MYO5B: variants seen among roughly 807,000 people sequenced by gnomAD.
The protein encoded by MYO5B is myosin VB.
In MYO5B, 143 loss-of-function variants were observed where a neutral mutation model predicts 229.3. The observed-to-expected ratio is 0.62, with a 90% CI of 0.54 to 0.72. The LOEUF (loss-of-function observed/expected upper bound fraction) is 0.72, where lower values mean the gene tolerates loss of function less well. Ranked by LOEUF, MYO5B falls within the 30% of genes least tolerant of loss-of-function variation. MYO5B has a pLI of 0.00. For synonymous variants in MYO5B, 918 were observed against 885.2 expected (o/e 1.04, Z -0.66); for missense variants, 2,321 against 2,331.0 (o/e 1.00, Z 0.09).
chr18:49,962,449 C>T (rs752412705), intron 11 of MYO5B, 43 bp from the exon 12 acceptor site: 2 of 1,613,682 alleles, frequency 1.2e-6, no homozygotes, highest in South Asian at 2.2e-5. Flanking sequence ...TGCAGGCACA[C>T]CTTAACATTC....
intron 1 of MYO5B, among the ~76,000 whole-genome samples, chr18:50,132,362 T>A (rs2032267450): frequency 6.6e-6 from 1 of 152,206 alleles, no homozygotes; most frequent in African/African-American, 2.4e-5. Flanking sequence ...GGGTTTCAGT[T>A]TAATTATGTA....
At chr18:49,939,205 G>A (rs563457856) in intron 14 of MYO5B, among the ~76,000 whole-genome samples, 2 of 146,056 alleles carry the variant, frequency 1.4e-5, no homozygotes, top group African/African-American at 5.1e-5. Flanking sequence ...GAGTGCAGTG[G>A]CGCAATCTCA....
intron 12 of MYO5B, among the ~76,000 whole-genome samples, chr18:49,960,027 C>G (rs997245290): frequency 6.6e-6 from 1 of 152,134 alleles, no homozygotes; most frequent in East Asian, 1.9e-4. Context: ...AGTCTGCACT[C>G]TCCTCTGCAG....
Position 50,175,710 on chromosome 18 carries a change from T to A in MYO5B, c.27+19057A>T, listed in dbSNP as rs7244611. ...AGTTTTAAGGTCATAAAGGTCAAATTCTTACTCAAAGGTGAAATTCTTACT... is the reference window on the plus strand; with the variant it reads ...AGTTTTAAGGTCATAAAGGTCAAATACTTACTCAAAGGTGAAATTCTTACT... On this transcript the variant is annotated intron_variant, in intron 1 of 39. Coordinates refer to ENST00000285039, the MANE Select transcript of MYO5B (RefSeq NM_001080467.3). Among the ~76,000 whole-genome samples, 479 of 152,332 alleles carry A rather than the reference T, an allele frequency of 3.1e-3. 4 individuals carry two copies. Among genetic ancestry groups the A allele is most frequent in the African/African-American group, 0.011 (441 of 41,572 alleles).
intron 14 of MYO5B, among the ~76,000 whole-genome samples, chr18:49,950,849 T>C (rs1362781244): frequency 6.6e-6 from 1 of 152,190 alleles, no homozygotes; most frequent in African/African-American, 2.4e-5. Context: ...CAGGCCTGCA[T>C]CTGCTATCCT....
chr18:49,921,038 A>G (rs2025068725), intron 17 of MYO5B, among the ~76,000 whole-genome samples: 1 of 152,172 alleles, frequency 6.6e-6, no homozygotes, highest in African/African-American at 2.4e-5. Context: ...ATAGCAAGGG[A>G]AGTAACTGTG....
chr18:49,928,940 G>A (rs1401272213), intron 17 of MYO5B, among the ~76,000 whole-genome samples: 2 of 152,114 alleles, frequency 1.3e-5, no homozygotes, highest in Non-Finnish European at 2.9e-5. Flanking sequence ...GCATAAGAAC[G>A]ATACAATGAA....
At chr18:50,002,355 C>T (rs892877559) in intron 4 of MYO5B, among the ~76,000 whole-genome samples, 1 of 152,106 alleles carries the variant, frequency 6.6e-6, no homozygotes, top group African/African-American at 2.4e-5. Context: ...GAAGAAGATA[C>T]TCTACATCAG....
intron 22 of MYO5B, among the ~76,000 whole-genome samples, chr18:49,892,359 G>T (rs1381370490): frequency 6.6e-6 from 1 of 152,184 alleles, no homozygotes; most frequent in African/African-American, 2.4e-5. Flanking sequence ...CCCTCGGGGA[G>T]ACTTGGCCTC....
intron 1 of MYO5B, among the ~76,000 whole-genome samples, chr18:50,082,677 C>T (rs1404250317): frequency 1.3e-5 from 2 of 152,104 alleles, no homozygotes; most frequent in African/African-American, 4.8e-5. Flanking sequence ...AACTTCTGTC[C>T]CTCCTAGGAG....
At chr18:50,049,989 T>A (rs941927265) in intron 2 of MYO5B, among the ~76,000 whole-genome samples, 1 of 152,250 alleles carries the variant, frequency 6.6e-6, no homozygotes, top group Non-Finnish European at 1.5e-5. Flanking sequence ...TACCACAATT[T>A]TTTTTTACAC....
At chr18:49,846,897 A>G (rs1598828502) in intron 33 of MYO5B, among the ~76,000 whole-genome samples, 1 of 151,740 alleles carries the variant, frequency 6.6e-6, no homozygotes, top group African/African-American at 2.4e-5. Flanking sequence ...CTTCCATCGT[A>G]TGGGCAGAAC....
intron 2 of MYO5B, among the ~76,000 whole-genome samples, chr18:50,041,061 T>G (rs1203836335): frequency 6.6e-6 from 1 of 152,288 alleles, no homozygotes; most frequent in South Asian, 2.1e-4. Flanking sequence ...GGGATGTTTT[T>G]AAACATTTAA....
chr18:50,090,325 A>G (rs1298043451), intron 1 of MYO5B, among the ~76,000 whole-genome samples: 4 of 127,450 alleles, frequency 3.1e-5, no homozygotes, highest in African/African-American at 1.2e-4. Flanking sequence ...CCTAGGTTAC[A>G]GAGCAAGACC....
chr18:50,012,619 G>T (rs1456232522), intron 4 of MYO5B, among the ~76,000 whole-genome samples: 2 of 152,188 alleles, frequency 1.3e-5, no homozygotes, highest in African/African-American at 4.8e-5. Context: ...TTATCGCCCA[G>T]GCCCAATGCA....
intron 1 of MYO5B, among the ~76,000 whole-genome samples, chr18:50,117,972 C>A (rs764197646): frequency 1.3e-4 from 20 of 152,216 alleles, no homozygotes; most frequent in Non-Finnish European, 2.6e-4. Context: ...TGCTCCTGCA[C>A]TGCCAGATTT....
intron 39 of MYO5B, among the ~76,000 whole-genome samples, chr18:49,832,369 T>C (rs1167262265): frequency 3.9e-5 from 6 of 152,216 alleles, no homozygotes; most frequent in African/African-American, 1.4e-4. Context: ...CTCCTGCCCA[T>C]GCATTAACCA....
At chr18:50,104,747 G>C (rs1430729428) in intron 1 of MYO5B, among the ~76,000 whole-genome samples, 1 of 152,146 alleles carries the variant, frequency 6.6e-6, no homozygotes, top group Non-Finnish European at 1.5e-5. Context: ...TGAAATTGCT[G>C]GGTCCTAGGG....
chr18:50,037,613 G>T (rs1598970592), intron 3 of MYO5B, among the ~76,000 whole-genome samples: 1 of 152,130 alleles, frequency 6.6e-6, no homozygotes, highest in African/African-American at 2.4e-5. Flanking sequence ...TTGTGCGAGG[G>T]AAAATGCCAG....
Sources: allele counts gnomAD v4.1 joint callset (sites outside exome capture counted in the v4.1 genomes callset), GRCh38; gene constraint gnomAD v4.1.1; transcripts MANE v1.5; gene names NCBI Gene and HGNC (gene_info 2026-07-23, HGNC 2026-07-21).